The following SERPINB12 variants were observed in gnomAD, a reference collection of about 807,000 sequenced individuals.
The protein encoded by SERPINB12 is serpin family B member 12, also known as serpin B12.
Under a neutral mutation model 41.1 loss-of-function variants are expected in SERPINB12, and 57 were observed. The observed-to-expected ratio is 1.39, with a 90% confidence interval of 1.12 to 1.73. SERPINB12 has a LOEUF of 1.73. SERPINB12 is among the 40% of genes most tolerant of loss of function. The pLI, the probability that SERPINB12 is intolerant of heterozygous loss-of-function variation, is 0.00. For missense variants in SERPINB12, 536 were observed against 501.9 expected (o/e 1.07, Z -0.65); for synonymous variants, 180 against 181.3 (o/e 0.99, Z 0.06).
chr18:63,553,436 G>T lies in SERPINB12; in HGVS notation c.-18-2706G>T, dbSNP rs1021094278. Among the ~76,000 whole-genome samples, 54 of 152,176 alleles carry T rather than the reference G, an allele frequency of 3.5e-4. 1 individual carries two copies. The highest frequency in any genetic ancestry group is 1.2e-3 in the African/African-American group (51 of 41,444). On this transcript the variant is annotated intron_variant, in intron 1 of 7. Coordinates refer to ENST00000382768, the MANE Select transcript of SERPINB12 (RefSeq NM_001307928.2). ...GTCATGTCCTTTCTAAAGCAGGCAA[G>T]ACTCTGATCATTCAGTTCTGGGAGT...
chr18:63,568,330 G>C lies in SERPINB12; in HGVS notation c.*1319G>C, dbSNP rs144024998. Among the ~76,000 whole-genome samples, 1,460 of 152,238 alleles carry C rather than the reference G, an allele frequency of 9.6e-3. 30 individuals are homozygous for C. Among genetic ancestry groups the C allele is most frequent in the African/African-American group, 0.033 (1,365 of 41,520 alleles). ...CAGGGGATGGAGGCTGCAGTAAGCT[G>C]AGATGGCGCCACTGCACTCCAGCCT... On this transcript the variant is annotated 3_prime_UTR_variant, in exon 8 of 8. Transcript: ENST00000382768.
At chr18:63,536,870 C>A in the SERPINB12 span, among the ~76,000 whole-genome samples, 1 of 151,992 alleles carries the variant, frequency 6.6e-6, no homozygotes, top group Admixed American at 6.6e-5. Flanking sequence ...GTAAGAGAAG[C>A]AATGCCAATC....
chr18:63,559,007 T>C (rs868866031), intron 3 of SERPINB12, among the ~76,000 whole-genome samples: 3 of 52,132 alleles, frequency 5.8e-5, no homozygotes, highest in African/African-American at 1.6e-4. Flanking sequence ...TCCTTCCTTC[T>C]TTCTTTCTTT....
chr18:63,528,153 TA>T, the SERPINB12 span, among the ~76,000 whole-genome samples: 4 of 152,088 alleles, frequency 2.6e-5, no homozygotes, highest in African/African-American at 9.7e-5. Flanking sequence ...ATTAGCCCCA[TA>T]AAAATGGACT....
At chr18:63,551,703 G>A (rs1008613398) in intron 1 of SERPINB12, among the ~76,000 whole-genome samples, 4 of 152,122 alleles carry the variant, frequency 2.6e-5, no homozygotes, top group Admixed American at 2.6e-4. Flanking sequence ...AATTCTTAAG[G>A]TGATTTTGCT....
chr18:63,521,039 A>G, the SERPINB12 span, among the ~76,000 whole-genome samples: 43 of 152,340 alleles, frequency 2.8e-4, no homozygotes, highest in East Asian at 7.9e-3. Flanking sequence ...AAGAATCAAT[A>G]CCAAGGGTGG....
At chr18:63,534,625 G>A in the SERPINB12 span, among the ~76,000 whole-genome samples, 1 of 151,940 alleles carries the variant, frequency 6.6e-6, no homozygotes, top group African/African-American at 2.4e-5. Context: ...CTTTTTTCCT[G>A]GTAGAAAGAA....
chr18:63,552,386 A>G (rs1910555412), intron 1 of SERPINB12, among the ~76,000 whole-genome samples: 1 of 152,156 alleles, frequency 6.6e-6, no homozygotes, highest in African/African-American at 2.4e-5. Flanking sequence ...TTTCTTTTTA[A>G]TTGCAACAAC....
chr18:63,558,657 G>T (rs1353016350), intron 3 of SERPINB12, among the ~76,000 whole-genome samples, 171 bp downstream of exon 3: 3 of 152,224 alleles, frequency 2.0e-5, no homozygotes, highest in African/African-American at 7.2e-5. Context: ...AGATGTCCTT[G>T]GCTATCAGCT....
At chr18:63,536,006 T>C in the SERPINB12 span, among the ~76,000 whole-genome samples, 1 of 151,968 alleles carries the variant, frequency 6.6e-6, no homozygotes, top group Non-Finnish European at 1.5e-5. Context: ...TGTAAAATAT[T>C]TATATGTATT....
chr18:63,559,520 G>T, intron 3 of SERPINB12, 58 bp from the exon 4 acceptor site: 1 of 1,568,312 alleles, frequency 6.4e-7, no homozygotes, highest in Non-Finnish European at 8.7e-7. Context: ...TCTTTTAGCG[G>T]TGTTTAGCTC....
chr18:63,520,933 CTG>C, the SERPINB12 span, among the ~76,000 whole-genome samples: 2 of 152,184 alleles, frequency 1.3e-5, no homozygotes, highest in Admixed American at 1.3e-4. Context: ...AGTAAACTAA[CTG>C]TGTGTATTCA....
At chr18:63,555,378 G>A (rs1227295014) in intron 1 of SERPINB12, among the ~76,000 whole-genome samples, 3 of 152,162 alleles carry the variant, frequency 2.0e-5, no homozygotes, top group Non-Finnish European at 4.4e-5. Context: ...ACAATCTGTG[G>A]AGAAGAATGA....
chr18:63,559,447 T>C lies in SERPINB12; in HGVS notation c.304-131T>C, dbSNP rs546959407. ...TCTTCCCAGCTCACTTCCCCCAGCA[T>C]GGTAACAGAGACAGCTGACATCTTA... is the stretch of plus-strand genomic sequence containing the variant. On this transcript the variant is annotated intron_variant, in intron 3 of 7. Transcript: ENST00000382768. 2.8e-4 allele frequency: 242 copies of C among 873,654 alleles called. 2 individuals carry two copies. Among genetic ancestry groups the C allele is most frequent in the South Asian group, 1.5e-3 (86 of 57,862 alleles). 54.1% of individuals were successfully genotyped at this position (873,654 alleles called of 1,614,324 possible).
Position 63,563,896 on chromosome 18 carries a change from CAAA to C in SERPINB12, c.563-66_563-64del, listed in dbSNP as rs72103593. On this transcript the variant is annotated intron_variant, in intron 5 of 7. Transcript: ENST00000382768. ...GGGAGACAAGAGCGAAACTCTGTCT[CAAA>C]AAAAAAAAAAAAAAATTATCTACAC... 1,567 of 1,031,792 alleles carry C rather than the reference CAAA, an allele frequency of 1.5e-3. 2 individuals carry two copies. Among genetic ancestry groups the C allele is most frequent in the African/African-American group, 0.015 (600 of 41,242 alleles). 63.9% of individuals were successfully genotyped at this position (1,031,792 alleles called of 1,614,324 possible).
At chr18:63,546,687 A>G (rs1211944938) in intron 1 of SERPINB12, among the ~76,000 whole-genome samples, 3 of 152,226 alleles carry the variant, frequency 2.0e-5, no homozygotes, top group African/African-American at 7.2e-5. Flanking sequence ...TGAGGGCTCT[A>G]TAAAATTGGA....
At chr18:63,541,475 G>A (rs1910271814), upstream of SERPINB12, among the ~76,000 whole-genome samples, 1 of 152,060 alleles carries the variant, frequency 6.6e-6, no homozygotes, top group Non-Finnish European at 1.5e-5. Context: ...AAATCCAAGG[G>A]CATGGCTTTG....
chr18:63,530,832 G>T, the SERPINB12 span, among the ~76,000 whole-genome samples: 1 of 152,234 alleles, frequency 6.6e-6, no homozygotes, highest in East Asian at 1.9e-4. Flanking sequence ...GGTTAGAGAG[G>T]GGGAGAACGA....
At chr18:63,559,750 C>A (rs186710753) in intron 4 of SERPINB12, 32 bp downstream of exon 4, 9 of 1,611,002 alleles carry the variant, frequency 5.6e-6, no homozygotes, top group Non-Finnish European at 7.6e-6. Context: ...ACTAAAGCTA[C>A]CATGTAGCAT....
Sources: allele counts gnomAD v4.1 joint callset (sites outside exome capture counted in the v4.1 genomes callset), GRCh38; gene constraint gnomAD v4.1.1; transcripts MANE v1.5; gene names NCBI Gene and HGNC (gene_info 2026-07-23, HGNC 2026-07-21).